The following LPAR4 variants were observed in gnomAD, a reference collection of about 807,000 sequenced individuals.
LPAR4 encodes the protein lysophosphatidic acid receptor 4.
LPAR4 carries 14 observed loss-of-function variants against 9.2 expected under a neutral mutation model. The ratio of observed to expected loss-of-function variants is 1.51; its 90% CI spans 1.00 to 2.37. The LOEUF (loss-of-function observed/expected upper bound fraction) is 2.37, where lower values mean the gene tolerates loss of function less well. Among genes scored for constraint, LPAR4 ranks in the 30% most tolerant of loss-of-function variants. The pLI is 0.00. For missense variants in LPAR4, 251 were observed against 272.1 expected (o/e 0.92, Z 0.55); for synonymous variants, 131 against 97.9 (o/e 1.34, Z -1.99).
At chrX:78,751,786 G>A (rs1382626635) in intron 4 of LPAR4, among the ~76,000 whole-genome samples, 2 of 110,829 alleles carry the variant, frequency 1.8e-5, no homozygotes, top group African/African-American at 6.6e-5. Context: ...GAGATATTGA[G>A]TCTCAAGACT....
rs1469030884 is a variant in LPAR4, at chrX:78,758,521, A to G, written c.*2539A>G. On this transcript the variant is annotated 3_prime_UTR_variant, in exon 5 of 5. Transcript: ENST00000614823. ...TTAATTTTTTTATATTTCACTTCTC[A>G]AATTTCCATTTTTATAGTTAATATA... Among the ~76,000 whole-genome samples, 1 of 111,537 alleles carries G rather than the reference A, an allele frequency of 9.0e-6. No individual in the cohort carries two copies. Among genetic ancestry groups the G allele is most frequent in the Admixed American group, 9.6e-5 (1 of 10,471 alleles).
intron 1 of LPAR4, among the ~76,000 whole-genome samples, chrX:78,749,529 G>A (rs915671776): frequency 1.8e-5 from 2 of 111,109 alleles, no homozygotes; most frequent in Non-Finnish European, 3.8e-5. Flanking sequence ...AAGTGACCAG[G>A]AAACAGGTGG....
At chrX:78,750,700 A>T (rs1925021274) in intron 2 of LPAR4, 30 bp from the exon 3 acceptor site, 1 of 109,566 alleles carries the variant, frequency 9.1e-6, no homozygotes, top group Admixed American at 9.8e-5. Context: ...TGTTCCAGTC[A>T]TCTTTCCTCT....
Position 78,747,895 on chromosome X carries a change from T to TAAAAAA in LPAR4, c.-408_-403dup, listed in dbSNP as rs569900559. On this transcript the variant is annotated 5_prime_UTR_variant, in exon 1 of 5. It adds an upstream start codon to the 5' untranslated region. Coordinates refer to ENST00000614823, the MANE Select transcript of LPAR4 (RefSeq NM_001278000.3). ...TTTAGGCTGGGCTAACCTTTCCCTG[T>TAAAAAA]AAAAAAAAAAAAAAAAAAAAAAAAA... 39 of 40,854 alleles carry TAAAAAA rather than the reference T, an allele frequency of 9.5e-4. 1 individual carries two copies. Among genetic ancestry groups the TAAAAAA allele is most frequent in the African/African-American group, 4.1e-3 (38 of 9,324 alleles). 3.4% of individuals were successfully genotyped at this position (40,854 alleles called of 1,213,427 possible).
At chrX:78,754,114 C>G (rs751493146) in intron 4 of LPAR4, among the ~76,000 whole-genome samples, 2 of 111,567 alleles carry the variant, frequency 1.8e-5, no homozygotes, top group South Asian at 7.4e-4. Context: ...ACATAATCAC[C>G]TCATGTAGTA....
rs1370341030 is a variant in LPAR4 at position 78,756,011 on chromosome X, T to C, written c.*29T>C. The C allele has an allele frequency of 4.5e-6, 5 of 1,123,267 alleles. No individual in the cohort carries two copies. The highest frequency in any genetic ancestry group is 6.0e-6 in the Non-Finnish European group (5 of 836,073). 92.6% of individuals were successfully genotyped at this position (1,123,267 alleles called of 1,213,427 possible). On this transcript the variant is annotated 3_prime_UTR_variant, in exon 5 of 5. Coordinates refer to ENST00000614823, the MANE Select transcript of LPAR4 (RefSeq NM_001278000.3). ...TGAGAAATGTGTTCAGGTCCAGATA[T>C]GGTTTCTCCTATAATTTTTCCTATG...
intron 1 of LPAR4, 108 bp downstream of exon 1, chrX:78,748,142 A>G (rs956238453): frequency 1.8e-5 from 2 of 111,238 alleles, no homozygotes; most frequent in African/African-American, 3.3e-5. Context: ...GAAAGAAGTT[A>G]GACTTCAACT....
chrX:78,753,884 G>A (rs1046603090), intron 4 of LPAR4, among the ~76,000 whole-genome samples: 10 of 111,697 alleles, frequency 9.0e-5, no homozygotes, highest in South Asian at 3.7e-4. Context: ...CAAGCAATGG[G>A]AGCTATGAAT....
chrX:78,757,191 C>T lies in LPAR4; in HGVS notation c.*1209C>T, dbSNP rs1428856867. 1.7e-5 allele frequency: 2 copies of T among 119,480 alleles called. No individual in the cohort carries two copies. The highest frequency in any genetic ancestry group is 6.5e-5 in the African/African-American group (2 of 30,690). 9.8% of individuals were successfully genotyped at this position (119,480 alleles called of 1,213,427 possible). ...ACAATAATTTGTAACACTTTCATTA[C>T]TATTTGTTGAGGTTCTGTAAATGTA... is the stretch of plus-strand genomic sequence containing the variant. On this transcript the variant is annotated 3_prime_UTR_variant, in exon 5 of 5. Coordinates refer to ENST00000614823, the MANE Select transcript of LPAR4 (RefSeq NM_001278000.3).
Position 78,757,430 on chromosome X carries a change from G to A in LPAR4, c.*1448G>A, listed in dbSNP as rs2147508779. 9.0e-6 allele frequency among the ~76,000 whole-genome samples: 1 copy of A among 111,453 alleles called. No individual in the cohort carries two copies. Among genetic ancestry groups the A allele is most frequent in the Non-Finnish European group, 1.9e-5 (1 of 52,914 alleles). ...ACTATAACATTCATATAATGCTTTG[G>A]ATCAAATTGCAACTAAGAAGCTGCT... On this transcript the variant is annotated 3_prime_UTR_variant, in exon 5 of 5. Transcript: ENST00000614823.
At chrX:78,751,655 C>T (rs1925069438) in intron 4 of LPAR4, among the ~76,000 whole-genome samples, 1 of 110,895 alleles carries the variant, frequency 9.0e-6, no homozygotes, top group South Asian at 3.8e-4. Context: ...TTTACCTGTT[C>T]AAATATATGG....
At chrX:78,754,610 C>A (rs1488344436) in intron 4 of LPAR4, among the ~76,000 whole-genome samples, 181 bp from the exon 5 acceptor site, 1 of 111,500 alleles carries the variant, frequency 9.0e-6, no homozygotes. Flanking sequence ...TGTGAGCTTT[C>A]CTGCTCCTGC....
chrX:78,753,237 G>T (rs762532498), intron 4 of LPAR4, among the ~76,000 whole-genome samples: 3 of 111,904 alleles, frequency 2.7e-5, no homozygotes, highest in Non-Finnish European at 5.7e-5. Context: ...CTCAAGTGTT[G>T]GTCCTTTGCC....
At position 78,758,606 on chromosome X, in the gene LPAR4, C is replaced by G. The variant is rs1314087148; in HGVS notation, c.*2624C>G. On this transcript the variant is annotated 3_prime_UTR_variant, in exon 5 of 5. Transcript: ENST00000614823. ...GTAACCAAGAAAATGTAAAGTATAA[C>G]TAAATATAAAAGTGACTATGTTACA... Among the ~76,000 whole-genome samples, 1 of 111,077 alleles carries G rather than the reference C, an allele frequency of 9.0e-6. No individual in the cohort carries two copies. The highest frequency in any genetic ancestry group is 3.3e-5 in the African/African-American group (1 of 30,669).
chrX:78,750,246 T>G (rs1426669384), intron 2 of LPAR4, 23 bp downstream of exon 2: 1 of 111,475 alleles, frequency 9.0e-6, no homozygotes, highest in African/African-American at 3.3e-5. Flanking sequence ...TATCTTAAAT[T>G]ATCTAATCAT....
chrX:78,755,263 A>G lies in LPAR4; in HGVS notation c.394A>G (p.Ile132Val). 8.3e-7 allele frequency: 1 copy of G among 1,210,568 alleles called. No individual in the cohort carries two copies. Among genetic ancestry groups the G allele is most frequent in the Non-Finnish European group, 1.1e-6 (1 of 894,815 alleles). The change falls in exon 5 of 5, where the codon ATT (isoleucine) becomes GTT (valine). Residue 132 changes from isoleucine to valine, a missense_variant. Ile to Val is a conservative substitution (Grantham distance 29, BLOSUM62 3). Transcript: ENST00000614823. ...TGGGAGCATGCTCTTTCTCACCTGTATTAGTGTGGATCGTTTCCTGGCCAT... is the reference window on the plus strand; with the variant it reads ...TGGGAGCATGCTCTTTCTCACCTGTGTTAGTGTGGATCGTTTCCTGGCCAT... ...IYGSMLFLTC[I>V]SVDRFLAIVY...
chrX:78,749,446 A>G (rs772910592), intron 1 of LPAR4, among the ~76,000 whole-genome samples: 1 of 111,678 alleles, frequency 9.0e-6, no homozygotes, highest in South Asian at 3.8e-4. Context: ...GAACAATGTA[A>G]CGGGTAAATG....
At position 78,755,409 on chromosome X, in the gene LPAR4, T is replaced by C. The variant is rs752323414; in HGVS notation, c.540T>C (p.Asn180=). 2.7e-5 allele frequency: 33 copies of C among 1,207,969 alleles called. No individual in the cohort carries two copies. The South Asian group carries it at 3.2e-4, about 12-fold the overall frequency. The change falls in exon 5 of 5, where the codon AAT becomes AAC. Residue 180 remains asparagine, a synonymous_variant. Transcript: ENST00000614823. ...CAGCCTCTTTGTTTTCCACCACTAA[T>C]GTCAACAATGCAACCACCACCTGCT... ...GISASLFSTT[N]VNNATTTCFE...
At chrX:78,750,023 G>T (rs780396450) in intron 1 of LPAR4, among the ~76,000 whole-genome samples, 151 bp from the exon 2 acceptor site, 1 of 111,219 alleles carries the variant, frequency 9.0e-6, no homozygotes, top group Non-Finnish European at 1.9e-5. Context: ...AAAACTTCTG[G>T]GTATTTGAAC....
Sources: allele counts gnomAD v4.1 joint callset (sites outside exome capture counted in the v4.1 genomes callset), GRCh38; gene constraint gnomAD v4.1.1; transcripts MANE v1.5; gene names NCBI Gene and HGNC (gene_info 2026-07-23, HGNC 2026-07-21).